The following LMBRD1 variants were observed in gnomAD, a reference collection of about 807,000 sequenced individuals.
LMBRD1 encodes the protein lysosomal cobalamin transport escort protein LMBD1.
LMBRD1 carries 64 observed loss-of-function variants against 74.8 expected under a neutral mutation model. That is an observed-to-expected ratio of 0.86 (90% CI 0.70 to 1.05). The LOEUF is 1.05. LMBRD1 is among the 50% of genes least tolerant of loss of function. The pLI, the probability that LMBRD1 is intolerant of heterozygous loss-of-function variation, is 0.00. For missense variants in LMBRD1, 652 were observed against 645.9 expected, an observed-to-expected ratio of 1.01 and a Z score of -0.10; for synonymous variants, 204 against 216.3, an observed-to-expected ratio of 0.94 and a Z score of 0.50.
chr6:69,772,669 G>A (rs1765599964), intron 3 of LMBRD1, among the ~76,000 whole-genome samples: 1 of 152,070 alleles, frequency 6.6e-6, no homozygotes, highest in Admixed American at 6.6e-5. Flanking sequence ...GCAGGAGACA[G>A]GACAGAACTG....
chr6:69,726,194 T>A (rs1207451358), intron 7 of LMBRD1, among the ~76,000 whole-genome samples: 2 of 152,176 alleles, frequency 1.3e-5, no homozygotes, highest in Admixed American at 6.5e-5. Context: ...TCACTCTGAT[T>A]AAAAGGGCTT....
At chr6:69,694,959 C>A (rs1765962067) in intron 14 of LMBRD1, among the ~76,000 whole-genome samples, 1 of 152,104 alleles carries the variant, frequency 6.6e-6, no homozygotes, top group African/African-American at 2.4e-5. Flanking sequence ...CAGTATATGT[C>A]CTGAGCTCAT....
At chr6:69,738,084 A>G (rs1432213855) in intron 6 of LMBRD1, 69 bp from the exon 7 acceptor site, 2 of 1,166,954 alleles carry the variant, frequency 1.7e-6, no homozygotes, top group Non-Finnish European at 2.5e-6. Flanking sequence ...TAGCAAATCA[A>G]CATAGAAAGC....
chr6:69,780,383 T>A, intron 3 of LMBRD1, 111 bp downstream of exon 3: 1 of 798,656 alleles, frequency 1.3e-6, no homozygotes, highest in Non-Finnish European at 2.2e-6. Context: ...GTCCATGTCA[T>A]TTTTTTCTAA....
chr6:69,698,567 TCAC>T (rs765464122), intron 13 of LMBRD1, among the ~76,000 whole-genome samples: 2 of 151,914 alleles, frequency 1.3e-5, no homozygotes, highest in African/African-American at 4.8e-5. Context: ...TTTTGAGAGA[TCAC>T]CACCACCAAT....
At chr6:69,698,740 A>T (rs997332867) in intron 13 of LMBRD1, among the ~76,000 whole-genome samples, 8 of 152,012 alleles carry the variant, frequency 5.3e-5, no homozygotes, top group Admixed American at 5.2e-4. Context: ...AAATTCGTTA[A>T]AACGTTATTT....
intron 7 of LMBRD1, among the ~76,000 whole-genome samples, chr6:69,737,486 C>T (rs962340715): frequency 2.6e-5 from 4 of 151,676 alleles, no homozygotes; most frequent in South Asian, 4.1e-4. Flanking sequence ...CCTATATCCC[C>T]AAGTAGAGTA....
At chr6:69,713,278 T>C (rs942141600) in intron 9 of LMBRD1, among the ~76,000 whole-genome samples, 1 of 151,982 alleles carries the variant, frequency 6.6e-6, no homozygotes, top group African/African-American at 2.4e-5. Context: ...CAAATCAAAA[T>C]AGACTAAACA....
At chr6:69,690,076 A>T (rs1375790509) in intron 14 of LMBRD1, among the ~76,000 whole-genome samples, 3 of 149,896 alleles carry the variant, frequency 2.0e-5, no homozygotes, top group African/African-American at 7.4e-5. Context: ...TTTTTTTTTT[A>T]AACTAGTTCT....
chr6:69,701,050 T>C (rs1766118538), intron 11 of LMBRD1, among the ~76,000 whole-genome samples, 181 bp from the exon 12 acceptor site: 1 of 151,620 alleles, frequency 6.6e-6, no homozygotes, highest in African/African-American at 2.4e-5. Flanking sequence ...TACCAAACTA[T>C]TACCAAAATT....
chr6:69,730,607 C>T (rs1445925308), intron 7 of LMBRD1, among the ~76,000 whole-genome samples: 2 of 152,120 alleles, frequency 1.3e-5, no homozygotes, highest in African/African-American at 2.4e-5. Context: ...AGTTACATTA[C>T]AGTCACTTCA....
At chr6:69,746,326 C>T (rs1767230572) in intron 5 of LMBRD1, 1 of 153,374 alleles carries the variant, frequency 6.5e-6, no homozygotes, top group African/African-American at 2.4e-5. Context: ...CCTGCACTAT[C>T]AACTGCTTAG....
chr6:69,680,585 C>T (rs1159014375), intron 14 of LMBRD1, among the ~76,000 whole-genome samples: 1 of 151,990 alleles, frequency 6.6e-6, no homozygotes, highest in African/African-American at 2.4e-5. Flanking sequence ...TACATGTTTA[C>T]CTTTTTAAAA....
Position 69,776,141 on chromosome 6 carries a change from A to C in LMBRD1, c.307+4353T>G, listed in dbSNP as rs575341174. 2.6e-5 allele frequency among the ~76,000 whole-genome samples: 4 copies of C among 152,358 alleles called. No homozygotes were observed. In the South Asian group the frequency reaches 8.3e-4, roughly 32 times the overall value. ...TGAACAAATATTTTCCAAATGAATA[A>C]GGCATAATGTCAACTGTCTTATTTG... On this transcript the variant is annotated intron_variant, in intron 3 of 15. Coordinates refer to ENST00000649934, the MANE Select transcript of LMBRD1 (RefSeq NM_018368.4).
intron 14 of LMBRD1, among the ~76,000 whole-genome samples, chr6:69,693,282 A>G (rs1765927817): frequency 1.3e-5 from 2 of 152,114 alleles, no homozygotes; most frequent in Admixed American, 1.3e-4. Flanking sequence ...ATTATTTTAA[A>G]CACAAAGTAC....
At chr6:69,717,804 C>T (rs1185220888) in intron 8 of LMBRD1, among the ~76,000 whole-genome samples, 7 of 152,214 alleles carry the variant, frequency 4.6e-5, no homozygotes, top group East Asian at 1.9e-4. Context: ...CTCAAGTGAT[C>T]GTCCCAACTC....
chr6:69,739,889 C>T (rs1308417972), intron 6 of LMBRD1, among the ~76,000 whole-genome samples: 1 of 152,166 alleles, frequency 6.6e-6, no homozygotes, highest in Non-Finnish European at 1.5e-5. Context: ...GGGCGGATCA[C>T]AAGGTCAGGA....
At chr6:69,790,645 C>T (rs1766060419) in intron 1 of LMBRD1, 173 bp from the exon 2 acceptor site, 8 of 648,156 alleles carry the variant, frequency 1.2e-5, no homozygotes, top group Non-Finnish European at 1.6e-5. Flanking sequence ...ATTTTCAAAG[C>T]CTACTTCATG....
intron 3 of LMBRD1, among the ~76,000 whole-genome samples, chr6:69,771,760 A>C (rs1422707845): frequency 6.6e-6 from 1 of 152,186 alleles, no homozygotes; most frequent in Non-Finnish European, 1.5e-5. Flanking sequence ...AAGACGTATC[A>C]TATTTTTAAA....
Sources: allele counts gnomAD v4.1 joint callset (sites outside exome capture counted in the v4.1 genomes callset), GRCh38; gene constraint gnomAD v4.1.1; transcripts MANE v1.5; gene names NCBI Gene and HGNC (gene_info 2026-07-23, HGNC 2026-07-21).